The following HTR2C variants were observed in gnomAD, a reference collection of about 807,000 sequenced individuals.
The protein encoded by HTR2C is 5-hydroxytryptamine receptor 2C, also known as 5-hydroxytryptamine (serotonin) receptor 2C, G protein-coupled.
HTR2C carries 5 observed loss-of-function variants against 21.0 expected under a neutral mutation model. The ratio of observed to expected loss-of-function variants is 0.24; its 90% CI spans 0.12 to 0.50. HTR2C has a LOEUF of 0.50. Among genes scored for constraint, HTR2C ranks in the 20% least tolerant of loss-of-function variants. The probability of loss-of-function intolerance (pLI) is 0.98; values close to 1 mark genes in which losing one functional copy is unlikely to be tolerated. For synonymous variants in HTR2C, 150 were observed against 145.3 expected (o/e 1.03, Z -0.23); for missense variants, 271 against 371.2 (o/e 0.73, Z 2.22).
chrX:114,805,966 CAT>C (rs1248460539), intron 4 of HTR2C, among the ~76,000 whole-genome samples: 5 of 27,402 alleles, frequency 1.8e-4, no homozygotes, highest in African/African-American at 4.4e-4. Flanking sequence ...ATATATATAC[CAT>C]ATATATACAC....
intron 2 of HTR2C, chrX:114,639,525 C>T (rs368383537): frequency 8.9e-6 from 1 of 112,974 alleles, no homozygotes; most frequent in Non-Finnish European, 1.9e-5. Context: ...TGATTAATTT[C>T]GTTGGGATAG....
intron 4 of HTR2C, among the ~76,000 whole-genome samples, chrX:114,790,391 A>G (rs782690821): frequency 2.7e-5 from 3 of 111,748 alleles, no homozygotes; most frequent in Non-Finnish European, 5.6e-5. Context: ...CTTCCCTGTT[A>G]TATGCATATG....
intron 4 of HTR2C, among the ~76,000 whole-genome samples, chrX:114,823,101 G>T (rs782397634): frequency 1.5e-3 from 171 of 111,613 alleles, no homozygotes; most frequent in African/African-American, 5.1e-3. Context: ...CTGTTTATAT[G>T]ATTTAGAAGC....
chrX:114,768,429 G>T (rs2069966980), intron 4 of HTR2C, among the ~76,000 whole-genome samples: 1 of 110,775 alleles, frequency 9.0e-6, no homozygotes, highest in Admixed American at 9.7e-5. Context: ...CAAACAAAAA[G>T]ATATTATGCA....
At chrX:114,753,721 T>C (rs1484541195) in intron 4 of HTR2C, among the ~76,000 whole-genome samples, 2 of 112,001 alleles carry the variant, frequency 1.8e-5, no homozygotes, top group Admixed American at 9.5e-5. Flanking sequence ...TAATAAAATA[T>C]GTGCGGAATT....
At chrX:114,724,933 C>T (rs1432074860) in intron 2 of HTR2C, among the ~76,000 whole-genome samples, 1 of 109,537 alleles carries the variant, frequency 9.1e-6, no homozygotes, top group East Asian at 2.9e-4. Flanking sequence ...ACCTTTCTCT[C>T]TGGCTGCCTT....
intron 4 of HTR2C, among the ~76,000 whole-genome samples, chrX:114,747,782 A>C (rs1211591177): frequency 2.7e-5 from 3 of 112,416 alleles, no homozygotes; most frequent in African/African-American, 9.7e-5. Context: ...AGCCTCCCAC[A>C]TCCAATGTGG....
intron 4 of HTR2C, among the ~76,000 whole-genome samples, chrX:114,800,943 G>C (rs1326519972): frequency 9.0e-6 from 1 of 111,178 alleles, no homozygotes; most frequent in African/African-American, 3.3e-5. Flanking sequence ...ATAATGCTTA[G>C]TCAGAAGAAC....
intron 4 of HTR2C, among the ~76,000 whole-genome samples, chrX:114,813,399 G>A (rs2070553737): frequency 9.0e-6 from 1 of 111,563 alleles, no homozygotes; most frequent in Non-Finnish European, 1.9e-5. Context: ...AGTCCAAATT[G>A]GAGTACCTGG....
intron 4 of HTR2C, among the ~76,000 whole-genome samples, chrX:114,795,815 C>A (rs1341507359): frequency 3.6e-5 from 4 of 111,253 alleles, no homozygotes; most frequent in Admixed American, 2.9e-4. Flanking sequence ...AGCCACATTT[C>A]TTTGAAATGT....
At chrX:114,775,887 A>G (rs1236631769) in intron 4 of HTR2C, 8 of 371,836 alleles carry the variant, frequency 2.2e-5, no homozygotes, top group African/African-American at 2.0e-4. Context: ...AATTGGGCAC[A>G]GGCAATGGAT....
intron 4 of HTR2C, among the ~76,000 whole-genome samples, chrX:114,763,499 G>A (rs782395736): frequency 9.0e-6 from 1 of 111,561 alleles, no homozygotes; most frequent in Non-Finnish European, 1.9e-5. Context: ...CCTTCACAAA[G>A]TCCCTCTGTA....
At chrX:114,788,779 G>T (rs1352482239) in intron 4 of HTR2C, among the ~76,000 whole-genome samples, 2 of 110,206 alleles carry the variant, frequency 1.8e-5, no homozygotes, top group East Asian at 2.9e-4. Flanking sequence ...CTCCTGGGTA[G>T]CTGGGACTAC....
intron 2 of HTR2C, among the ~76,000 whole-genome samples, chrX:114,645,687 C>T (rs1417419594): frequency 3.6e-5 from 4 of 111,080 alleles, no homozygotes; most frequent in South Asian, 3.7e-4. Flanking sequence ...TATAAGAATG[C>T]AAAAGGCAAG....
chrX:114,637,864 T>C (rs147823526), intron 2 of HTR2C, among the ~76,000 whole-genome samples: 173 of 111,477 alleles, frequency 1.6e-3, no homozygotes, highest in African/African-American at 5.4e-3. Flanking sequence ...TTTTTTGCAA[T>C]TGAAAAAAAA....
chrX:114,900,348 T>C, intron 5 of HTR2C: 1 of 244,846 alleles, frequency 4.1e-6, no homozygotes, highest in Non-Finnish European at 7.8e-6. Context: ...AGGGATAATA[T>C]TCATCTAAAA....
intron 4 of HTR2C, among the ~76,000 whole-genome samples, chrX:114,784,934 G>A (rs1444536298): frequency 9.0e-6 from 1 of 110,917 alleles, no homozygotes; most frequent in Non-Finnish European, 1.9e-5. Flanking sequence ...CTTCTTATAA[G>A]GAGACTAGTC....
intron 1 of HTR2C, among the ~76,000 whole-genome samples, chrX:114,588,528 T>C (rs1287597440): frequency 8.9e-6 from 1 of 111,807 alleles, no homozygotes; most frequent in Admixed American, 9.5e-5. Flanking sequence ...AAATAAAAAG[T>C]GAAAACTGAA....
rs1602776502 is a variant in HTR2C at position 114,780,796 on chromosome X, A to G, written c.349+49189A>G. Among the ~76,000 whole-genome samples the G allele has an allele frequency of 2.7e-5, 3 of 112,257 alleles. 1 individual carries two copies. The Admixed American group carries it at 2.8e-4, about 11-fold the overall frequency. On this transcript the variant is annotated intron_variant, in intron 4 of 5. Transcript: ENST00000276198. ...CCCCATTCTAAAAATAATTTTCCAA[A>G]GAGAATAAGTAGCTCCTTGGGAAAC...
Sources: gnomAD v4.1 joint callset for allele counts (sites outside exome capture counted in the v4.1 genomes callset) on GRCh38, gnomAD v4.1.1 for gene constraint, MANE v1.5 for transcripts, NCBI Gene and HGNC (gene_info 2026-07-23, HGNC 2026-07-21) for gene names.